WDR64: variants seen among roughly 807,000 people sequenced by gnomAD.
WDR64 encodes the protein WD repeat-containing protein 64.
In WDR64, 112 loss-of-function variants were observed where a neutral mutation model predicts 139.3. The ratio of observed to expected loss-of-function variants is 0.80; its 90% CI spans 0.69 to 0.94. The LOEUF (loss-of-function observed/expected upper bound fraction) is 0.94. WDR64 is among the 40% of genes least tolerant of loss of function. The pLI is 0.00. For synonymous variants in WDR64, 444 were observed against 437.7 expected (o/e 1.01, Z -0.18); for missense variants, 1,206 against 1,293.1 (o/e 0.93, Z 1.03).
intron 14 of WDR64, among the ~76,000 whole-genome samples, chr1:241,752,514 A>G (rs1321423924): frequency 6.6e-6 from 1 of 152,226 alleles, no homozygotes; most frequent in Non-Finnish European, 1.5e-5. Context: ...TCTGAGAGCC[A>G]CTGTCATAGG....
intron 20 of WDR64, among the ~76,000 whole-genome samples, chr1:241,773,262 C>T (rs537695916): frequency 2.0e-5 from 3 of 152,232 alleles, no homozygotes; most frequent in Non-Finnish European, 2.9e-5. Flanking sequence ...GATAGATACC[C>T]GTATTGAGAA....
At chr1:241,758,544 C>T (rs1670299195) in intron 15 of WDR64, among the ~76,000 whole-genome samples, 1 of 152,162 alleles carries the variant, frequency 6.6e-6, no homozygotes, top group Admixed American at 6.5e-5. Context: ...GAATAGGTTT[C>T]CTAGCATCTT....
Position 241,656,220 on chromosome 1 carries a change from C to T in WDR64, c.145+3591C>T, listed in dbSNP as rs1665590703. 6.6e-6 allele frequency among the ~76,000 whole-genome samples: 1 copy of T among 152,168 alleles called. No individual in the cohort carries two copies. Among genetic ancestry groups the T allele is most frequent in the Non-Finnish European group, 1.5e-5 (1 of 68,032 alleles). ...CTGTTAATAATGTCTGGCACAAATTCATATTTATTAACCAATATTGGAAAA... is the reference window on the plus strand; with the variant it reads ...CTGTTAATAATGTCTGGCACAAATTTATATTTATTAACCAATATTGGAAAA... On this transcript the variant is annotated intron_variant, in intron 1 of 27. Transcript: ENST00000437684. The surrounding 1 kb of genome is among the most constrained non-coding windows in gnomAD (Gnocchi z 4.3).
At chr1:241,731,477 A>T (rs201608451) in intron 10 of WDR64, among the ~76,000 whole-genome samples, 1 of 152,152 alleles carries the variant, frequency 6.6e-6, no homozygotes, top group South Asian at 2.1e-4. Context: ...CTGTGTGATA[A>T]CTACAAGTGT....
intron 20 of WDR64, among the ~76,000 whole-genome samples, chr1:241,774,578 T>C (rs188949740): frequency 8.5e-4 from 130 of 152,342 alleles, no homozygotes; most frequent in African/African-American, 3.0e-3. Flanking sequence ...ACAACCTGTT[T>C]GAATTTAAAT....
intron 12 of WDR64, among the ~76,000 whole-genome samples, 176 bp from the exon 13 acceptor site, chr1:241,744,217 G>A (rs7411702): frequency 0.31 from 46,709 of 152,050 alleles, 7,999 homozygotes; most frequent in East Asian, 0.51. Flanking sequence ...ACTATTAAAT[G>A]CACTTTATCT....
At chr1:241,770,784 A>C in intron 18 of WDR64, 94 bp downstream of exon 18, 1 of 1,114,930 alleles carries the variant, frequency 9.0e-7, no homozygotes, top group Non-Finnish European at 1.3e-6. Flanking sequence ...CTCCTTTGAT[A>C]GAAGGTAACA....
chr1:241,679,933 T>C (rs573100525), intron 6 of WDR64, among the ~76,000 whole-genome samples: 11 of 152,306 alleles, frequency 7.2e-5, no homozygotes, highest in South Asian at 2.1e-4. Flanking sequence ...CGAGTCCAGC[T>C]TCATTAGGTA....
chr1:241,700,731 A>G (rs905771452), intron 8 of WDR64, among the ~76,000 whole-genome samples: 3 of 152,196 alleles, frequency 2.0e-5, no homozygotes, highest in African/African-American at 7.2e-5. Flanking sequence ...TATGAATGGA[A>G]ATAGCACTAA....
chr1:241,653,335 C>T (rs924929043), intron 1 of WDR64, among the ~76,000 whole-genome samples: 3 of 152,172 alleles, frequency 2.0e-5, no homozygotes, highest in African/African-American at 7.2e-5. Flanking sequence ...ATAGTATAGC[C>T]AGCCTCTGAG....
intron 1 of WDR64, among the ~76,000 whole-genome samples, chr1:241,658,317 G>GTGTGTA (rs1351655383): frequency 1.3e-5 from 2 of 151,294 alleles, no homozygotes; most frequent in Non-Finnish European, 2.9e-5. Flanking sequence ...GTGTGTGTAT[G>GTGTGTA]TGTTTACATA....
intron 8 of WDR64, 46 bp downstream of exon 8, chr1:241,687,641 C>G (rs1376834291): frequency 6.5e-7 from 1 of 1,541,086 alleles, no homozygotes; most frequent in South Asian, 1.2e-5. Context: ...GAATTTCAAG[C>G]TTTTTACAAT....
chr1:241,788,071 G>C (rs746334084), intron 24 of WDR64, 37 bp downstream of exon 24: 2 of 1,515,508 alleles, frequency 1.3e-6, no homozygotes, highest in South Asian at 2.7e-5. Flanking sequence ...AAGCATACAA[G>C]AATCAAACTG....
At chr1:241,672,778 T>C (rs1392099583) in intron 3 of WDR64, among the ~76,000 whole-genome samples, 1 of 151,990 alleles carries the variant, frequency 6.6e-6, no homozygotes, top group Admixed American at 6.6e-5. Flanking sequence ...ACTGGGAAGG[T>C]GAAAAAGATC....
In WDR64 at chr1:241,683,593, G is replaced by A. The variant is rs761205944; in HGVS notation, c.731G>A (p.Gly244Glu). Residue 244 changes from glycine (G) to glutamate (E), a missense_variant, in exon 7 of 28, where the codon GGG (glycine) becomes GAG (glutamate). Coordinates refer to ENST00000437684, the MANE Select transcript of WDR64 (RefSeq NM_001367482.1). ...CRDDILLGDD[G>E]GFVNRFTVNS... ...GATGACATCCTCTTGGGGGATGATG[G>A]GGGTTTTGTGAACAGATTCACAGTC... 3 of 1,551,628 alleles carry A rather than the reference G, an allele frequency of 1.9e-6. No individual in the cohort carries two copies. Among genetic ancestry groups the A allele is most frequent in the Non-Finnish European group, 2.6e-6 (3 of 1,146,992 alleles).
At chr1:241,671,984 G>A (rs958537378) in intron 3 of WDR64, among the ~76,000 whole-genome samples, 1 of 152,122 alleles carries the variant, frequency 6.6e-6, no homozygotes, top group Non-Finnish European at 1.5e-5. Flanking sequence ...AGACCAGCCT[G>A]GCCAACATAA....
Position 241,749,556 on chromosome 1 carries a change from G to A in WDR64, c.1604G>A (p.Arg535Lys), listed in dbSNP as rs765013630. 6.2e-7 allele frequency: 1 copy of A among 1,614,108 alleles called. No individual in the cohort carries two copies. The highest frequency in any genetic ancestry group is 1.1e-5 in the South Asian group (1 of 91,076). ...TTCTCTGTATGCTCAGGAACAGTCA[G>A]AATCTGGGACTTTGGCAGTGGGCAG... ...FATGAYNGTV[R>K]IWDFGSGQEM... The change falls in exon 14 of 28, where the codon AGA becomes AAA. Residue 535 changes from arginine to lysine, a missense_variant. By Grantham distance (26) the Arg-to-Lys change is conservative. Transcript: ENST00000437684.
chr1:241,771,713 C>A lies in WDR64; in HGVS notation c.2290+16C>A. ...GAGGTTAAAGGTCAGTATGAAATCA[C>A]CTCTCTTCTTTATAATAAAGCAACT... On this transcript the variant is annotated intron_variant, in intron 19 of 27. Transcript: ENST00000437684. 1 of 1,437,012 alleles carries A rather than the reference C, an allele frequency of 7.0e-7. No individual in the cohort carries two copies. Among genetic ancestry groups the A allele is most frequent in the Non-Finnish European group, 9.2e-7 (1 of 1,088,978 alleles). The allele number at this position is 1,437,012 out of a possible 1,614,324, so 89.0% of individuals were successfully genotyped here. A position where few individuals can be genotyped will look rare whatever the true frequency, so the allele number is the denominator to read the frequency against.
chr1:241,692,990 A>G (rs375616451), intron 8 of WDR64, among the ~76,000 whole-genome samples: 1 of 152,322 alleles, frequency 6.6e-6, no homozygotes, highest in East Asian at 1.9e-4. Context: ...GTGACTTTAG[A>G]ATTCCGCTTG....
Sources: allele counts gnomAD v4.1 joint callset (sites outside exome capture counted in the v4.1 genomes callset), GRCh38; gene constraint gnomAD v4.1.1; non-coding constraint Gnocchi (gnomAD v3.1); transcripts MANE v1.5; gene names NCBI Gene and HGNC (gene_info 2026-07-23, HGNC 2026-07-21).